The following PDE8B variants were observed in gnomAD, a reference collection of about 807,000 sequenced individuals.
PDE8B encodes high affinity cAMP-specific and IBMX-insensitive 3',5'-cyclic phosphodiesterase 8B.
PDE8B carries 26 observed loss-of-function variants against 101.3 expected under a neutral mutation model. The ratio of observed to expected loss-of-function variants is 0.26; its 90% CI spans 0.19 to 0.36. The LOEUF is 0.36. Among genes scored for constraint, PDE8B ranks in the 10% least tolerant of loss-of-function variants. PDE8B has a pLI of 1.00. For missense variants in PDE8B, 810 were observed against 1,163.1 expected (o/e 0.70, Z 4.42); for synonymous variants, 424 against 429.3 (o/e 0.99, Z 0.15).
At chr5:77,173,515 T>A in the PDE8B span, among the ~76,000 whole-genome samples, 1 of 152,084 alleles carries the variant, frequency 6.6e-6, no homozygotes, top group African/African-American at 2.4e-5. Flanking sequence ...GGATTATGAC[T>A]GGTAATGGGA....
At chr5:77,091,533 C>T in the PDE8B span, among the ~76,000 whole-genome samples, 1 of 151,972 alleles carries the variant, frequency 6.6e-6, no homozygotes, top group Admixed American at 6.6e-5. Context: ...GCCCAGCTAC[C>T]TGGGAGCCTG....
intron 10 of PDE8B, among the ~76,000 whole-genome samples, chr5:77,392,450 A>C (rs1052337045): frequency 6.6e-6 from 1 of 152,210 alleles, no homozygotes; most frequent in African/African-American, 2.4e-5. Flanking sequence ...CCCAGGGCTT[A>C]TATACCATAC....
At chr5:77,376,171 G>T (rs1295879388) in intron 10 of PDE8B, among the ~76,000 whole-genome samples, 1 of 152,152 alleles carries the variant, frequency 6.6e-6, no homozygotes, top group South Asian at 2.1e-4. Flanking sequence ...TTCACAGGTG[G>T]CATCCGTCCT....
the PDE8B span, among the ~76,000 whole-genome samples, chr5:77,191,202 T>C: frequency 6.6e-5 from 10 of 151,296 alleles, no homozygotes; most frequent in Non-Finnish European, 1.5e-5. Flanking sequence ...ATTACCTCCC[T>C]CAAGGCCCTA....
chr5:77,256,690 A>G (rs565743727), intron 1 of PDE8B, among the ~76,000 whole-genome samples: 17 of 152,326 alleles, frequency 1.1e-4, no homozygotes, highest in African/African-American at 3.8e-4. Flanking sequence ...TTCTGTATTC[A>G]GACATCAACA....
intron 1 of PDE8B, among the ~76,000 whole-genome samples, chr5:77,224,594 A>G (rs1039828095): frequency 3.3e-5 from 5 of 152,234 alleles, no homozygotes; most frequent in African/African-American, 1.2e-4. Context: ...CCACAATACT[A>G]TTAGCAAATC....
chr5:77,292,442 G>A (rs1767577343), intron 1 of PDE8B, among the ~76,000 whole-genome samples: 1 of 152,230 alleles, frequency 6.6e-6, no homozygotes, highest in Admixed American at 6.5e-5. Context: ...GAAGGCGTAT[G>A]TTGTGTGTTA....
chr5:77,197,710 G>A, the PDE8B span, among the ~76,000 whole-genome samples: 1 of 141,920 alleles, frequency 7.0e-6, no homozygotes, highest in Non-Finnish European at 1.5e-5. Context: ...TCAAAATCCA[G>A]CTCCTGGTTA....
intron 7 of PDE8B, among the ~76,000 whole-genome samples, chr5:77,346,460 G>A (rs968251733): frequency 1.3e-5 from 2 of 152,172 alleles, no homozygotes; most frequent in East Asian, 1.9e-4. Flanking sequence ...CCCACTAGCC[G>A]CCCCTCCACC....
intron 6 of PDE8B, among the ~76,000 whole-genome samples, 161 bp from the exon 7 acceptor site, chr5:77,344,692 C>G (rs1256652733): frequency 3.3e-5 from 5 of 152,158 alleles, no homozygotes. Flanking sequence ...ATGTTAGATT[C>G]CAACATATGA....
chr5:77,192,545 G>A, the PDE8B span, among the ~76,000 whole-genome samples: 1 of 152,260 alleles, frequency 6.6e-6, no homozygotes, highest in East Asian at 1.9e-4. Flanking sequence ...TATTTTATGG[G>A]TGTACCACAA....
chr5:77,291,919 T>C (rs971921799), intron 1 of PDE8B: 2 of 883,354 alleles, frequency 2.3e-6, no homozygotes, highest in South Asian at 2.8e-5. Context: ...TGACAGTGAC[T>C]AATCCCCCTA....
the PDE8B span, among the ~76,000 whole-genome samples, chr5:77,171,208 G>T: frequency 8.4e-4 from 128 of 152,290 alleles, no homozygotes; most frequent in African/African-American, 2.9e-3. Context: ...GCATTGGGGA[G>T]GTATTCCAGG....
the PDE8B span, chr5:77,104,974 A>T: frequency 1.3e-5 from 2 of 151,778 alleles, no homozygotes; most frequent in Non-Finnish European, 2.9e-5. Flanking sequence ...CCTTCTCCCC[A>T]CCCCCAGGTG....
chr5:77,381,676 AT>A (rs1485931280), intron 10 of PDE8B, among the ~76,000 whole-genome samples: 1 of 152,032 alleles, frequency 6.6e-6, no homozygotes, highest in Non-Finnish European at 1.5e-5. Flanking sequence ...ATGTTTTCAT[AT>A]TGTTTTTAGG....
chr5:77,295,984 G>A (rs1372940514), intron 1 of PDE8B, among the ~76,000 whole-genome samples: 1 of 152,118 alleles, frequency 6.6e-6, no homozygotes, highest in Non-Finnish European at 1.5e-5. Context: ...AGCATTGCTA[G>A]CAAAATCCTG....
chr5:77,367,801 T>A (rs1784417083), intron 10 of PDE8B, among the ~76,000 whole-genome samples: 1 of 152,196 alleles, frequency 6.6e-6, no homozygotes, highest in South Asian at 2.1e-4. Context: ...AGTGCTGAGA[T>A]TACAGGCGTG....
At chr5:77,237,972 T>C (rs1395721126) in intron 1 of PDE8B, among the ~76,000 whole-genome samples, 1 of 152,218 alleles carries the variant, frequency 6.6e-6, no homozygotes, top group Non-Finnish European at 1.5e-5. Context: ...ATTTGAATTA[T>C]GGTCCCCCTG....
At chr5:77,189,819 A>G in the PDE8B span, among the ~76,000 whole-genome samples, 1 of 152,160 alleles carries the variant, frequency 6.6e-6, no homozygotes, top group Non-Finnish European at 1.5e-5. Context: ...CTGGCTGCTT[A>G]TGGAGAATAG....
Sources: gnomAD v4.1 joint callset for allele counts (sites outside exome capture counted in the v4.1 genomes callset) on GRCh38, gnomAD v4.1.1 for gene constraint, MANE v1.5 for transcripts, NCBI Gene and HGNC (gene_info 2026-07-23, HGNC 2026-07-21) for gene names.